PRKG1: variants seen among roughly 807,000 people sequenced by gnomAD.
The protein encoded by PRKG1 is protein kinase cGMP-dependent 1.
A neutral mutation model predicts 88.1 loss-of-function variants in PRKG1; 35 were observed. That is an observed-to-expected ratio of 0.40 (90% CI 0.30 to 0.53). The LOEUF is 0.53. Ranked by LOEUF, PRKG1 falls within the 20% of genes least tolerant of loss-of-function variation. The pLI, the probability that PRKG1 is intolerant of heterozygous loss-of-function variation, is 0.59. For missense variants in PRKG1, 540 were observed against 839.8 expected (o/e 0.64, Z 4.41); for synonymous variants, 303 against 292.5 (o/e 1.04, Z -0.37).
rs774998684 is a variant in PRKG1, at chr10:51,527,055, CA to C, written c.592+59220del. 1.1e-4 allele frequency among the ~76,000 whole-genome samples: 16 copies of C among 152,272 alleles called. No homozygotes were observed. In the East Asian group the frequency reaches 2.3e-3, roughly 22 times the overall value. ...CAAAAGGAGCCATAGAAAATACATA[CA>C]TGAAGAAACGTGGCTGTGTTCCCAA... On this transcript the variant is annotated intron_variant, in intron 3 of 17. Transcript: ENST00000373980.
chr10:52,044,157 G>C lies in PRKG1; in HGVS notation c.763-10327G>C, dbSNP rs113279142. On this transcript the variant is annotated intron_variant, in intron 5 of 17. Transcript: ENST00000373980. ...TCAAAGAAAGAAACCAGCAGTGCCAGTTGTACAAAAGCCTATGTAGTCATC... is the reference window on the plus strand; with the variant it reads ...TCAAAGAAAGAAACCAGCAGTGCCACTTGTACAAAAGCCTATGTAGTCATC... 8.5e-5 allele frequency among the ~76,000 whole-genome samples: 13 copies of C among 152,248 alleles called. 1 individual carries two copies. Among genetic ancestry groups the C allele is most frequent in the African/African-American group, 2.9e-4 (12 of 41,570 alleles).
At chr10:52,136,885 A>G (rs1216046792) in intron 8 of PRKG1, among the ~76,000 whole-genome samples, 1 of 152,100 alleles carries the variant, frequency 6.6e-6, no homozygotes, top group Non-Finnish European at 1.5e-5. Flanking sequence ...AAGCACAAAT[A>G]CAGAAAAATC....
chr10:51,634,527 C>T (rs1210276488), intron 3 of PRKG1, among the ~76,000 whole-genome samples: 1 of 152,060 alleles, frequency 6.6e-6, no homozygotes, highest in East Asian at 1.9e-4. Context: ...GGTTTGAGTT[C>T]CCTTAAAGTA....
intron 3 of PRKG1, among the ~76,000 whole-genome samples, chr10:51,648,667 T>C (rs1429896241): frequency 1.3e-5 from 2 of 152,168 alleles, no homozygotes; most frequent in Non-Finnish European, 2.9e-5. Context: ...GAACATTTTT[T>C]TTTAACTGCC....
upstream of PRKG1, among the ~76,000 whole-genome samples, chr10:51,072,716 T>G (rs145759630): frequency 6.6e-6 from 1 of 152,270 alleles, no homozygotes; most frequent in East Asian, 1.9e-4. Context: ...AATTACTAGA[T>G]CATAATCTAC....
chr10:51,598,930 A>C (rs1838527848), intron 3 of PRKG1, among the ~76,000 whole-genome samples: 1 of 152,170 alleles, frequency 6.6e-6, no homozygotes, highest in African/African-American at 2.4e-5. Flanking sequence ...GCATGTGGGC[A>C]CCTGTGAGTG....
intron 5 of PRKG1, among the ~76,000 whole-genome samples, chr10:52,012,117 T>C (rs940560036): frequency 6.6e-6 from 1 of 152,224 alleles, no homozygotes; most frequent in East Asian, 1.9e-4. Context: ...CCCCATTTTA[T>C]GAAATTCCAC....
chr10:51,015,147 G>T (rs937663701), intron 1 of PRKG1, among the ~76,000 whole-genome samples: 2 of 152,132 alleles, frequency 1.3e-5, no homozygotes, highest in African/African-American at 4.8e-5. Flanking sequence ...AAAATACTTT[G>T]ATTGCAACCC....
In PRKG1 at chr10:51,829,036, A is replaced by G. The variant is rs575940511; in HGVS notation, c.698+24346A>G. Among the ~76,000 whole-genome samples, 7 of 152,296 alleles carry G rather than the reference A, an allele frequency of 4.6e-5. 1 individual carries two copies. In the East Asian group the frequency reaches 1.2e-3, roughly 25 times the overall value. On this transcript the variant is annotated intron_variant, in intron 4 of 17. Transcript: ENST00000373980. Reference sequence around the variant, plus strand: ...ACTAAAGGTCTCTCATGAAGTTGCAATCAGCTATTGCCCAGGTTGCAGTCT... The same window carrying G: ...ACTAAAGGTCTCTCATGAAGTTGCAGTCAGCTATTGCCCAGGTTGCAGTCT...
intron 2 of PRKG1, among the ~76,000 whole-genome samples, chr10:51,322,360 C>A (rs1841479569): frequency 1.3e-5 from 2 of 152,146 alleles, no homozygotes; most frequent in African/African-American, 2.4e-5. Flanking sequence ...GAATGTGTTT[C>A]TTTCTGCAGT....
chr10:51,875,568 G>A (rs1473075435), intron 4 of PRKG1, among the ~76,000 whole-genome samples: 2 of 151,894 alleles, frequency 1.3e-5, no homozygotes, highest in African/African-American at 4.8e-5. Context: ...CACCATCCCT[G>A]GCTCAGATTC....
intron 2 of PRKG1, among the ~76,000 whole-genome samples, chr10:51,383,242 G>A (rs1002153767): frequency 2.6e-5 from 4 of 152,140 alleles, no homozygotes; most frequent in African/African-American, 9.6e-5. Context: ...ATTATCCTGA[G>A]TTTACAGGTG....
At chr10:52,090,257 T>TA (rs1342644824) in intron 7 of PRKG1, among the ~76,000 whole-genome samples, 3 of 151,976 alleles carry the variant, frequency 2.0e-5, no homozygotes, top group Non-Finnish European at 2.9e-5. Flanking sequence ...ATTTTTTTTT[T>TA]AAATGGCTAC....
intron 3 of PRKG1, among the ~76,000 whole-genome samples, chr10:51,547,452 T>G (rs936900646): frequency 6.6e-6 from 1 of 152,090 alleles, no homozygotes; most frequent in African/African-American, 2.4e-5. Flanking sequence ...TTTGCCAAAA[T>G]TTTTGGATAC....
chr10:51,846,918 T>A (rs1045776614), intron 4 of PRKG1, among the ~76,000 whole-genome samples: 4 of 152,172 alleles, frequency 2.6e-5, no homozygotes, highest in African/African-American at 9.7e-5. Flanking sequence ...TCAGATAGCA[T>A]AAAAATATAT....
intron 3 of PRKG1, among the ~76,000 whole-genome samples, chr10:51,508,298 T>C (rs1015954802): frequency 2.0e-5 from 3 of 152,164 alleles, no homozygotes; most frequent in Non-Finnish European, 4.4e-5. Context: ...GGTTTTACTT[T>C]CTATGTGAAA....
chr10:51,041,704 C>T (rs1302582348), intron 1 of PRKG1, among the ~76,000 whole-genome samples: 4 of 152,158 alleles, frequency 2.6e-5, no homozygotes, highest in African/African-American at 9.7e-5. Context: ...AGTTGCAAGA[C>T]AAAGTCCTCT....
At chr10:51,068,400 T>C (rs1843781510) in intron 1 of PRKG1, 1 of 152,036 alleles carries the variant, frequency 6.6e-6, no homozygotes, top group African/African-American at 2.4e-5. Flanking sequence ...TCTTGCCCAA[T>C]GCAGTCATTT....
At position 51,805,068 on chromosome 10, in the gene PRKG1, A is replaced by G. The variant is rs112352536; in HGVS notation, c.698+378A>G. ...CATCTTCAACTATTTATTGGTTAAT[A>G]TATTTATGACACATCTTCTAAACAG... On this transcript the variant is annotated intron_variant, in intron 4 of 17. Coordinates refer to ENST00000373980, the MANE Select transcript of PRKG1 (RefSeq NM_006258.4). Among the ~76,000 whole-genome samples the G allele has an allele frequency of 4.4e-3, 663 of 152,220 alleles. 7 individuals carry two copies. The highest frequency in any genetic ancestry group is 0.015 in the African/African-American group (639 of 41,572).
Sources: allele counts gnomAD v4.1 joint callset (sites outside exome capture counted in the v4.1 genomes callset), GRCh38; gene constraint gnomAD v4.1.1; transcripts MANE v1.5; gene names NCBI Gene and HGNC (gene_info 2026-07-23, HGNC 2026-07-21).